NCMAP: variants seen among roughly 807,000 people sequenced by gnomAD.
The protein encoded by NCMAP is non-compact myelin associated protein, also known as noncompact myelin-associated protein.
A neutral mutation model predicts 7.8 loss-of-function variants in NCMAP; 8 were observed. The observed-to-expected ratio is 1.02, with a 90% CI of 0.60 to 1.84. The LOEUF (loss-of-function observed/expected upper bound fraction) is 1.84. Among genes scored for constraint, NCMAP ranks in the 40% most tolerant of loss-of-function variants. NCMAP has a pLI of 0.00. For synonymous variants in NCMAP, 41 were observed against 52.9 expected, an observed-to-expected ratio of 0.78 and a Z score of 0.98; for missense variants, 112 against 131.4, an observed-to-expected ratio of 0.85 and a Z score of 0.72.
intron 1 of NCMAP, among the ~76,000 whole-genome samples, chr1:24,588,607 T>C (rs2148933360): frequency 6.6e-6 from 1 of 152,318 alleles, no homozygotes; most frequent in Admixed American, 6.5e-5. Context: ...ATTCAGCTCT[T>C]AGACTTGGCC....
chr1:24,597,674 A>AG (rs1652303734), intron 2 of NCMAP, among the ~76,000 whole-genome samples: 1 of 126,636 alleles, frequency 7.9e-6, no homozygotes, highest in South Asian at 2.7e-4. Context: ...AAAGAAAGAA[A>AG]AGAAAAAGAA....
At chr1:24,571,213 A>T (rs1651380358) in intron 1 of NCMAP, among the ~76,000 whole-genome samples, 1 of 150,856 alleles carries the variant, frequency 6.6e-6, no homozygotes, top group South Asian at 2.1e-4. Flanking sequence ...ACGGTGGCTC[A>T]TGCCTGTAAT....
intron 1 of NCMAP, among the ~76,000 whole-genome samples, chr1:24,561,487 A>C (rs9424386): frequency 0.63 from 96,412 of 151,938 alleles, 30,789 homozygotes; most frequent in East Asian, 0.75. Context: ...CCTAAAAGTA[A>C]TCTGGGCATC....
chr1:24,597,313 C>T lies in NCMAP; in HGVS notation c.82+1801C>T, dbSNP rs186651036. On this transcript the variant is annotated intron_variant, in intron 2 of 3. Coordinates refer to ENST00000374392, the MANE Select transcript of NCMAP (RefSeq NM_001010980.5). ...CTGAGGTTGGGAGTTTGAGACTGGC[C>T]AGCATGGTAAAATCCCATCTCTACT... 2.6e-3 allele frequency among the ~76,000 whole-genome samples: 389 copies of T among 151,740 alleles called. 4 individuals are homozygous for T. Among genetic ancestry groups the T allele is most frequent in the African/African-American group, 8.7e-3 (361 of 41,346 alleles).
chr1:24,564,001 AAC>A (rs1651137589), intron 1 of NCMAP: 1 of 152,218 alleles, frequency 6.6e-6, no homozygotes, highest in Admixed American at 6.5e-5. Flanking sequence ...TTCATTAAAA[AAC>A]TGCTGCAATG....
chr1:24,562,242 TA>T (rs1651075925), intron 1 of NCMAP, among the ~76,000 whole-genome samples: 1 of 152,228 alleles, frequency 6.6e-6, no homozygotes, highest in Non-Finnish European at 1.5e-5. Context: ...ATAACAAGAA[TA>T]ATTAACATTT....
At chr1:24,600,633 G>A (rs1163539531) in intron 2 of NCMAP, among the ~76,000 whole-genome samples, 1 of 152,188 alleles carries the variant, frequency 6.6e-6, no homozygotes, top group Non-Finnish European at 1.5e-5. Context: ...AGGAGGGGAG[G>A]GTATGTTGTT....
chr1:24,573,670 GCTCACAC>G (rs1236486200), intron 1 of NCMAP, among the ~76,000 whole-genome samples: 1 of 150,422 alleles, frequency 6.6e-6, no homozygotes, highest in African/African-American at 2.5e-5. Flanking sequence ...AGGTGCAGCG[GCTCACAC>G]CTATAATCCC....
At chr1:24,581,382 G>T (rs1304030978) in intron 1 of NCMAP, among the ~76,000 whole-genome samples, 1 of 152,182 alleles carries the variant, frequency 6.6e-6, no homozygotes, top group African/African-American at 2.4e-5. Flanking sequence ...CTCCCAAAAT[G>T]CTGGGATTAC....
At chr1:24,561,082 C>G (rs554898717) in intron 1 of NCMAP, among the ~76,000 whole-genome samples, 39 of 150,710 alleles carry the variant, frequency 2.6e-4, no homozygotes, top group Non-Finnish European at 4.6e-4. Flanking sequence ...CCTATAATCC[C>G]AGCACTTTGG....
chr1:24,597,644 A>AAAGAAAGAAAGC (rs1652293187), intron 2 of NCMAP, among the ~76,000 whole-genome samples: 1 of 133,000 alleles, frequency 7.5e-6, no homozygotes, highest in Non-Finnish European at 1.6e-5. Flanking sequence ...AGAAAGAAAG[A>AAAGAAAGAAAGC]AAGAAAGAAA....
At chr1:24,561,024 C>T (rs2148924346) in intron 1 of NCMAP, among the ~76,000 whole-genome samples, 1 of 152,110 alleles carries the variant, frequency 6.6e-6, no homozygotes, top group East Asian at 1.9e-4. Context: ...TCATGGGACC[C>T]ATGCCCCATA....
chr1:24,599,808 C>A (rs1394820003), intron 2 of NCMAP, among the ~76,000 whole-genome samples: 1 of 113,940 alleles, frequency 8.8e-6, no homozygotes, highest in Non-Finnish European at 1.8e-5. Context: ...GAACTCCTGA[C>A]CTCGTGATCC....
Position 24,605,923 on chromosome 1 carries a change from C to A in NCMAP, c.*176C>A. The stretch of plus-strand genomic sequence containing the variant: ...CTCAACCTTGTCTGCCCTGCCCTAC[C>A]CCAACTGTGTCCACATCCCTGCCGC... On this transcript the variant is annotated 3_prime_UTR_variant, in exon 4 of 4. Coordinates refer to ENST00000374392, the MANE Select transcript of NCMAP (RefSeq NM_001010980.5). The A allele has an allele frequency of 1.4e-6, 1 of 705,962 alleles. No homozygotes were observed. Among genetic ancestry groups the A allele is most frequent in the Non-Finnish European group, 2.3e-6 (1 of 440,938 alleles). 43.7% of individuals were successfully genotyped at this position (705,962 alleles called of 1,614,324 possible). A position where few individuals can be genotyped will look rare whatever the true frequency, so the allele number is the denominator to read the frequency against.
chr1:24,602,379 G>C (rs1342276644), intron 3 of NCMAP, among the ~76,000 whole-genome samples: 1 of 148,464 alleles, frequency 6.7e-6, no homozygotes, highest in Non-Finnish European at 1.5e-5. Context: ...TCAGGAGATC[G>C]AGACCACGGT....
At chr1:24,599,837 C>A (rs202099373) in intron 2 of NCMAP, among the ~76,000 whole-genome samples, 2 of 60,484 alleles carry the variant, frequency 3.3e-5, no homozygotes, top group East Asian at 4.6e-4. Flanking sequence ...CCCCCCCCCC[C>A]CCTTGGCCTC....
intron 1 of NCMAP, among the ~76,000 whole-genome samples, chr1:24,578,122 A>T (rs1166695694): frequency 2.6e-5 from 4 of 151,898 alleles, no homozygotes; most frequent in African/African-American, 9.7e-5. Context: ...AGTATTAGCC[A>T]GGCATGGTGG....
At chr1:24,598,422 TCTGA>T (rs1280933210) in intron 2 of NCMAP, among the ~76,000 whole-genome samples, 1 of 152,032 alleles carries the variant, frequency 6.6e-6, no homozygotes, top group Non-Finnish European at 1.5e-5. Flanking sequence ...GACCTGCTAT[TCTGA>T]CTTTTACCAC....
chr1:24,559,051 A>G (rs1650978915), intron 1 of NCMAP, among the ~76,000 whole-genome samples: 1 of 152,212 alleles, frequency 6.6e-6, no homozygotes. Context: ...TATATTTGAT[A>G]TTGAAGAGAA....
Sources: gnomAD v4.1 joint callset for allele counts (sites outside exome capture counted in the v4.1 genomes callset) on GRCh38, gnomAD v4.1.1 for gene constraint, MANE v1.5 for transcripts, NCBI Gene and HGNC (gene_info 2026-07-23, HGNC 2026-07-21) for gene names.